TIAM1: variants seen among roughly 807,000 people sequenced by gnomAD.
TIAM1 encodes the protein rho guanine nucleotide exchange factor TIAM1.
A neutral mutation model predicts 163.5 loss-of-function variants in TIAM1; 65 were observed. That is an observed-to-expected ratio of 0.40 (90% confidence interval 0.33 to 0.49). The LOEUF is 0.49. TIAM1 is among the 20% of genes least tolerant of loss of function. The probability of loss-of-function intolerance (pLI) is 0.77; values close to 1 mark genes in which losing one functional copy is unlikely to be tolerated. For synonymous variants in TIAM1, 833 were observed against 810.1 expected, an observed-to-expected ratio of 1.03 and a Z score of -0.48; for missense variants, 1,789 against 2,044.7, an observed-to-expected ratio of 0.87 and a Z score of 2.41.
intron 1 of TIAM1, among the ~76,000 whole-genome samples, chr21:31,542,873 TA>T (rs2048364566): frequency 2.0e-5 from 3 of 151,228 alleles, no homozygotes; most frequent in Admixed American, 1.3e-4. Context: ...GAGGCTGAGG[TA>T]GAAGAATCAC....
Position 31,141,603 on chromosome 21 carries a change from G to A in TIAM1, c.3476-99C>T. On this transcript the variant is annotated intron_variant, in intron 20 of 27. Transcript: ENST00000541036. This position sits in a 1 kb window ranked among gnomAD's most constrained non-coding sequence, Gnocchi z 4.7. ...CTCAGTGACTCCAAGGTGCCTTTTT[G>A]CAGGACTGAGCAGAGAGTGGGTGGC... 2 of 1,353,892 alleles carry A rather than the reference G, an allele frequency of 1.5e-6. No homozygotes were observed. Among genetic ancestry groups the A allele is most frequent in the Non-Finnish European group, 2.0e-6 (2 of 979,186 alleles). 83.9% of individuals were successfully genotyped at this position (1,353,892 alleles called of 1,614,324 possible).
chr21:31,399,292 A>G (rs2077125813), intron 2 of TIAM1, among the ~76,000 whole-genome samples: 1 of 152,118 alleles, frequency 6.6e-6, no homozygotes, highest in Admixed American at 6.5e-5. Context: ...CTCTCTTTAA[A>G]ATTTATATGA....
Position 31,240,742 on chromosome 21 carries a change from G to A in TIAM1, c.1584+4746C>T, listed in dbSNP as rs530442128. Among the ~76,000 whole-genome samples the A allele has an allele frequency of 3.9e-5, 6 of 152,266 alleles. 1 individual carries two copies. The South Asian group carries it at 1.2e-3, about 32-fold the overall frequency. On this transcript the variant is annotated intron_variant, in intron 6 of 27. Coordinates refer to ENST00000541036, the MANE Select transcript of TIAM1 (RefSeq NM_001353694.2). Reference sequence around the variant, plus strand: ...TTTAGCACTACAGTCGCCTGAAGCAGTGATAACAGTCGAACAAATAAGAAG... The same window carrying A: ...TTTAGCACTACAGTCGCCTGAAGCAATGATAACAGTCGAACAAATAAGAAG...
chr21:31,350,001 C>T (rs748188005), intron 2 of TIAM1, among the ~76,000 whole-genome samples: 6 of 152,244 alleles, frequency 3.9e-5, no homozygotes, highest in Non-Finnish European at 7.3e-5. Flanking sequence ...TAAGCCAACC[C>T]TGTTTCTTAA....
intron 23 of TIAM1, among the ~76,000 whole-genome samples, chr21:31,132,080 G>A (rs963123871): frequency 5.3e-5 from 8 of 152,172 alleles, no homozygotes; most frequent in Admixed American, 2.0e-4. Context: ...GTCACACAGC[G>A]GCTGAAGGAG....
chr21:31,270,289 C>G (rs2072999439), intron 3 of TIAM1, among the ~76,000 whole-genome samples: 1 of 152,132 alleles, frequency 6.6e-6, no homozygotes, highest in African/African-American at 2.4e-5. Flanking sequence ...ACCTCACTAA[C>G]ATCATCACAC....
intron 2 of TIAM1, among the ~76,000 whole-genome samples, chr21:31,303,569 G>T (rs2146963544): frequency 7.0e-6 from 1 of 141,986 alleles, no homozygotes; most frequent in East Asian, 2.1e-4. Context: ...AAACCTTCTG[G>T]CTTACAGGGC....
rs1449051524 is a variant in TIAM1, at chr21:31,395,601, T to TA, written c.-368-56180dup. Among the ~76,000 whole-genome samples the TA allele has an allele frequency of 6.6e-6, 1 of 152,226 alleles. No individual in the cohort carries two copies. The highest frequency in any genetic ancestry group is 2.4e-5 in the African/African-American group (1 of 41,458). On this transcript the variant is annotated intron_variant, in intron 2 of 28. Transcript: ENST00000286827. This position sits in a 1 kb window ranked among gnomAD's most constrained non-coding sequence, Gnocchi z 7.5. ...CTCCAACTGAGAAAGCAGATTGCGT[T>TA]ACATTTCTCCACATAAATGAACTTA...
intron 16 of TIAM1, among the ~76,000 whole-genome samples, chr21:31,156,595 G>C (rs953231595): frequency 6.6e-6 from 1 of 152,208 alleles, no homozygotes; most frequent in Non-Finnish European, 1.5e-5. Context: ...ATACAGTCAA[G>C]TAGGGCTTTG....
intron 2 of TIAM1, among the ~76,000 whole-genome samples, chr21:31,416,225 T>C (rs7283890): frequency 0.12 from 18,606 of 152,130 alleles, 2,211 homozygotes; most frequent in African/African-American, 0.31. Flanking sequence ...CTCCACCATT[T>C]CCCTGCATGC....
chr21:31,215,082 A>G (rs2087105131), intron 9 of TIAM1, among the ~76,000 whole-genome samples: 1 of 152,182 alleles, frequency 6.6e-6, no homozygotes, highest in South Asian at 2.1e-4. Context: ...TGATTTTAGA[A>G]AAATGTTAAA....
At chr21:31,287,222 T>C (rs914681240) in intron 2 of TIAM1, among the ~76,000 whole-genome samples, 1 of 152,166 alleles carries the variant, frequency 6.6e-6, no homozygotes, top group African/African-American at 2.4e-5. Context: ...AAAGAGTATA[T>C]AAAAATAGGC....
intron 2 of TIAM1, among the ~76,000 whole-genome samples, chr21:31,418,787 C>T (rs1018151835): frequency 4.6e-5 from 7 of 152,180 alleles, no homozygotes; most frequent in Admixed American, 2.0e-4. Context: ...ATACCAGCGA[C>T]ACTGGACTTT....
chr21:31,196,909 C>A (rs2085888248), intron 12 of TIAM1, among the ~76,000 whole-genome samples: 1 of 152,074 alleles, frequency 6.6e-6, no homozygotes, highest in Admixed American at 6.6e-5. Context: ...TACTATGTAG[C>A]CATGAAAAAG....
chr21:31,414,773 A>C (rs2043315660), intron 2 of TIAM1, among the ~76,000 whole-genome samples: 1 of 152,258 alleles, frequency 6.6e-6, no homozygotes, highest in African/African-American at 2.4e-5. Context: ...TCATTTCCTC[A>C]GCGGGCAAAA....
chr21:31,177,710 A>G (rs965290268), intron 15 of TIAM1, among the ~76,000 whole-genome samples: 1 of 152,242 alleles, frequency 6.6e-6, no homozygotes, highest in African/African-American at 2.4e-5. Context: ...CATAGAAGAA[A>G]CAAACCTCTC....
At chr21:31,289,173 T>C (rs1202367762) in intron 2 of TIAM1, among the ~76,000 whole-genome samples, 1 of 152,216 alleles carries the variant, frequency 6.6e-6, no homozygotes, top group Non-Finnish European at 1.5e-5. Context: ...TGCAACACCA[T>C]GCAGATCTCA....
At chr21:31,295,454 AGT>A (rs1386396922) in intron 2 of TIAM1, among the ~76,000 whole-genome samples, 1 of 121,672 alleles carries the variant, frequency 8.2e-6, no homozygotes, top group East Asian at 3.1e-4. Context: ...TGGGTGACAG[AGT>A]GAGACTCCAT....
Position 31,217,663 on chromosome 21 carries a change from G to C in TIAM1, c.2032C>G (p.Arg678Gly). ...GCGGATCTGGACATGGCCTGAGTACGTCTTCTCACTCCAGTTTCACCAGTG... is the reference window on the plus strand; with the variant it reads ...GCGGATCTGGACATGGCCTGAGTACCTCTTCTCACTCCAGTTTCACCAGTG... The part of the protein sequence containing the change: ...ARTGETGVRR[R>G]TQAMSRSASK... Residue 678 changes from arginine (R) to glycine (G), a missense_variant, in exon 9 of 28, where the codon CGT becomes GGT. This residue lies in a region of TIAM1 where 456 missense variants were observed against 586.6 expected (regional missense o/e 0.78). Transcript: ENST00000541036. 2 of 1,613,800 alleles carry C rather than the reference G, an allele frequency of 1.2e-6. No homozygotes were observed. The highest frequency in any genetic ancestry group is 1.1e-5 in the South Asian group (1 of 90,968).
Sources: allele counts gnomAD v4.1 joint callset (sites outside exome capture counted in the v4.1 genomes callset), GRCh38; gene constraint gnomAD v4.1.1; regional missense constraint gnomAD v4.1.1; non-coding constraint Gnocchi (gnomAD v3.1); transcripts MANE v1.5; gene names NCBI Gene and HGNC (gene_info 2026-07-23, HGNC 2026-07-21).